RBFOX1: variants seen among roughly 807,000 people sequenced by gnomAD.
RBFOX1 encodes RNA binding protein fox-1 homolog 1.
In RBFOX1, 8 loss-of-function variants were observed where a neutral mutation model predicts 57.7. That is an observed-to-expected ratio of 0.14 (90% confidence interval 0.08 to 0.25). The LOEUF is 0.25. RBFOX1 is among the 10% of genes least tolerant of loss of function. The pLI is 1.00. For missense variants in RBFOX1, 611 were observed against 548.5 expected, an observed-to-expected ratio of 1.11 and a Z score of -1.14; for synonymous variants, 326 against 222.4, an observed-to-expected ratio of 1.47 and a Z score of -4.15.
intron 10 of RBFOX1, among the ~76,000 whole-genome samples, chr16:7,609,877 G>T (rs1001193245): frequency 1.3e-5 from 2 of 152,020 alleles, no homozygotes; most frequent in African/African-American, 4.8e-5. Context: ...GAGTGCAGTG[G>T]CGCGGTCTCA....
chr16:7,484,652 C>G (rs369045367), intron 4 of RBFOX1, among the ~76,000 whole-genome samples: 4 of 152,120 alleles, frequency 2.6e-5, no homozygotes, highest in Admixed American at 2.0e-4. Flanking sequence ...TTAGTAGAGA[C>G]AAGGTTTCAC....
intron 1 of RBFOX1, among the ~76,000 whole-genome samples, chr16:6,178,214 T>G (rs1249745455): frequency 5.6e-5 from 7 of 125,316 alleles, no homozygotes; most frequent in Non-Finnish European, 9.5e-5. Context: ...GGAGACAGAG[T>G]GTTGCTCTAT....
intron 4 of RBFOX1, among the ~76,000 whole-genome samples, chr16:7,351,291 A>G (rs1161888160): frequency 6.6e-6 from 1 of 152,228 alleles, no homozygotes; most frequent in African/African-American, 2.4e-5. Flanking sequence ...AAACTTTTCT[A>G]TGTCAAAGGG....
At chr16:5,247,313 G>A (rs2062326852) in intron 1 of RBFOX1, among the ~76,000 whole-genome samples, 3 of 152,198 alleles carry the variant, frequency 2.0e-5, no homozygotes, top group African/African-American at 7.2e-5. Flanking sequence ...CTTCCACGAT[G>A]CTTTCTGTCC....
intron 1 of RBFOX1, among the ~76,000 whole-genome samples, chr16:5,351,578 A>G (rs1375786456): frequency 3.3e-5 from 5 of 152,256 alleles, no homozygotes; most frequent in African/African-American, 4.8e-5. Flanking sequence ...GAAGGTGACA[A>G]AAAATTTCAT....
chr16:6,679,878 G>GTT lies in RBFOX1; in HGVS notation c.-16+25254_-16+25255dup, dbSNP rs71145274. 5.0e-3 allele frequency among the ~76,000 whole-genome samples: 572 copies of GTT among 114,220 alleles called. 32 individuals are homozygous for GTT. Among genetic ancestry groups the GTT allele is most frequent in the African/African-American group, 0.019 (487 of 25,664 alleles). The allele number at this position is 114,220 out of a possible 152,430, so 74.9% of individuals were successfully genotyped here. A position where few individuals can be genotyped will look rare whatever the true frequency, so the allele number is the denominator to read the frequency against. ...CTACATAAAGCCATAGTTTCTACTTGTTTTTTTTTTTTTTTTTTTTTTTTT... is the reference window on the plus strand; with the variant it reads ...CTACATAAAGCCATAGTTTCTACTTGTTTTTTTTTTTTTTTTTTTTTTTTTTT... On this transcript the variant is annotated intron_variant, in intron 3 of 15. Transcript: ENST00000550418.
chr16:7,437,481 C>A (rs1015924522), intron 4 of RBFOX1, among the ~76,000 whole-genome samples: 2 of 152,144 alleles, frequency 1.3e-5, no homozygotes, highest in African/African-American at 4.8e-5. Context: ...TGTTGACGTT[C>A]CATGCAGTGT....
chr16:7,314,859 A>G (rs753910833), intron 4 of RBFOX1, among the ~76,000 whole-genome samples: 6 of 152,070 alleles, frequency 3.9e-5, no homozygotes, highest in South Asian at 2.1e-4. Context: ...TTCTTTTTCA[A>G]TTTTTCACTG....
At chr16:7,571,404 G>T (rs1019492558) in intron 5 of RBFOX1, among the ~76,000 whole-genome samples, 2 of 152,078 alleles carry the variant, frequency 1.3e-5, no homozygotes, top group African/African-American at 4.8e-5. Context: ...TGGATTGGTC[G>T]ATATCAAAAT....
intron 3 of RBFOX1, among the ~76,000 whole-genome samples, chr16:7,040,044 C>G (rs1842062): frequency 0.61 from 92,545 of 151,030 alleles, 29,824 homozygotes; most frequent in Non-Finnish European, 0.71. Context: ...TATTTTGAGA[C>G]AAAGTCTTGC....
intron 12 of RBFOX1, among the ~76,000 whole-genome samples, chr16:7,658,573 A>T (rs1249077478): frequency 1.3e-5 from 2 of 152,148 alleles, no homozygotes; most frequent in Non-Finnish European, 2.9e-5. Context: ...CAGCAAGTGG[A>T]GGCTTTGGAG....
At chr16:6,147,514 T>G (rs575470962) in intron 1 of RBFOX1, among the ~76,000 whole-genome samples, 1 of 152,140 alleles carries the variant, frequency 6.6e-6, no homozygotes, top group African/African-American at 2.4e-5. Flanking sequence ...TCTACACATA[T>G]GTACCCATGT....
At chr16:6,849,117 T>C (rs1199866901) in intron 3 of RBFOX1, among the ~76,000 whole-genome samples, 1 of 152,168 alleles carries the variant, frequency 6.6e-6, no homozygotes, top group Non-Finnish European at 1.5e-5. Context: ...TCCTTTGTGA[T>C]TTATATATAA....
chr16:7,573,417 C>T (rs1469775161), intron 5 of RBFOX1, among the ~76,000 whole-genome samples: 1 of 152,120 alleles, frequency 6.6e-6, no homozygotes, highest in Non-Finnish European at 1.5e-5. Flanking sequence ...CCTCTAACAT[C>T]CTTACTTTAC....
intron 1 of RBFOX1, among the ~76,000 whole-genome samples, chr16:6,062,291 G>GC (rs35107199): frequency 0.23 from 34,785 of 151,590 alleles, 5,451 homozygotes; most frequent in African/African-American, 0.45. Flanking sequence ...TCCATCTTTA[G>GC]CCCCCCTGCC....
intron 1 of RBFOX1, among the ~76,000 whole-genome samples, chr16:6,310,086 C>G (rs1379270085): frequency 6.6e-6 from 1 of 152,132 alleles, no homozygotes; most frequent in Non-Finnish European, 1.5e-5. Flanking sequence ...TGGGGTTTCA[C>G]CATATTGGTC....
intron 2 of RBFOX1, among the ~76,000 whole-genome samples, chr16:6,482,710 A>T (rs948496604): frequency 3.3e-5 from 5 of 152,156 alleles, no homozygotes; most frequent in Non-Finnish European, 7.3e-5. Flanking sequence ...CTTCTCGGAG[A>T]TGAAATAGGA....
intron 1 of RBFOX1, among the ~76,000 whole-genome samples, chr16:5,452,918 C>T (rs1454023903): frequency 6.6e-6 from 1 of 152,138 alleles, no homozygotes; most frequent in Non-Finnish European, 1.5e-5. Context: ...AGGTGTGAAC[C>T]ACCACGCTCT....
intron 2 of RBFOX1, among the ~76,000 whole-genome samples, chr16:6,624,975 G>A (rs1436228120): frequency 1.3e-5 from 2 of 151,830 alleles, no homozygotes; most frequent in African/African-American, 2.4e-5. Flanking sequence ...GACCAGCCTG[G>A]CCAACATGGT....
Sources: gnomAD v4.1 joint callset for allele counts (sites outside exome capture counted in the v4.1 genomes callset) on GRCh38, gnomAD v4.1.1 for gene constraint, MANE v1.5 for transcripts, NCBI Gene and HGNC (gene_info 2026-07-23, HGNC 2026-07-21) for gene names.